ADAM10: variants seen among roughly 807,000 people sequenced by gnomAD.
ADAM10 encodes disintegrin and metalloproteinase domain-containing protein 10.
ADAM10 carries 17 observed loss-of-function variants against 90.1 expected under a neutral mutation model. The observed-to-expected ratio is 0.19, with a 90% confidence interval of 0.13 to 0.28. ADAM10 has a LOEUF of 0.28. Among genes scored for constraint, ADAM10 ranks in the 10% least tolerant of loss-of-function variants. The pLI is 1.00. For synonymous variants in ADAM10, 310 were observed against 298.6 expected (o/e 1.04, Z -0.40); for missense variants, 610 against 914.3 (o/e 0.67, Z 4.29).
At chr15:58,692,000 A>G (rs1421495411) in intron 2 of ADAM10, 12 of 454,528 alleles carry the variant, frequency 2.6e-5, no homozygotes, top group Middle Eastern at 3.4e-4. Flanking sequence ...ATGTTTTTGC[A>G]AATGACTTCC....
chr15:58,618,747 C>T (rs1050297971), intron 11 of ADAM10, among the ~76,000 whole-genome samples: 1 of 151,990 alleles, frequency 6.6e-6, no homozygotes, highest in African/African-American at 2.4e-5. Flanking sequence ...CTAACAAGTA[C>T]ATGAAAAAAT....
At chr15:58,599,521 G>A in intron 15 of ADAM10, 77 bp downstream of exon 15, 1 of 1,491,226 alleles carries the variant, frequency 6.7e-7, no homozygotes, top group South Asian at 1.1e-5. Flanking sequence ...AGTTACTACA[G>A]ACTCATTTAT....
At chr15:58,645,102 T>C (rs564656176) in intron 6 of ADAM10, among the ~76,000 whole-genome samples, 4 of 152,304 alleles carry the variant, frequency 2.6e-5, no homozygotes, top group East Asian at 1.9e-4. Flanking sequence ...TTCAAAGAAA[T>C]TGTAAAAACA....
At chr15:58,643,753 C>A in intron 7 of ADAM10, 133 bp downstream of exon 7, 1 of 728,094 alleles carries the variant, frequency 1.4e-6, no homozygotes, top group South Asian at 1.6e-5. Context: ...TAAAAAACTG[C>A]ATCAACAGAT....
Position 58,596,820 on chromosome 15 carries a change from T to TA in ADAM10, c.*726dup, listed in dbSNP as rs1894966688. ...TCTTCAGTATAGTCACTTGTGCCCG[T>TA]AGCAGCCATGTGATAAAGAAAAAAT... On this transcript the variant is annotated 3_prime_UTR_variant, in exon 16 of 16. Coordinates refer to ENST00000260408, the MANE Select transcript of ADAM10 (RefSeq NM_001110.4). 6.4e-6 allele frequency: 1 copy of TA among 155,222 alleles called. No individual in the cohort carries two copies. The highest frequency in any genetic ancestry group is 6.3e-5 in the Admixed American group (1 of 15,752). The allele number at this position is 155,222 out of a possible 1,614,324, so 9.6% of individuals were successfully genotyped here. A position where few individuals can be genotyped will look rare whatever the true frequency, so the allele number is the denominator to read the frequency against.
At chr15:58,745,957 AATC>A (rs1164396111) in intron 1 of ADAM10, among the ~76,000 whole-genome samples, 4 of 152,220 alleles carry the variant, frequency 2.6e-5, no homozygotes, top group Non-Finnish European at 4.4e-5. Flanking sequence ...TTTCAATGTT[AATC>A]ATTAGCTCAA....
At chr15:58,608,532 G>A (rs775639785) in intron 14 of ADAM10, among the ~76,000 whole-genome samples, 8 of 152,256 alleles carry the variant, frequency 5.3e-5, no homozygotes, top group East Asian at 3.9e-4. Flanking sequence ...CATGCTATTC[G>A]AAAGACTGGC....
chr15:58,600,268 G>A (rs2140987682), intron 14 of ADAM10, among the ~76,000 whole-genome samples: 1 of 152,184 alleles, frequency 6.6e-6, no homozygotes, highest in South Asian at 2.1e-4. Context: ...TGTTTTGATT[G>A]CGTTTATACT....
chr15:58,638,386 C>T (rs7173048), intron 8 of ADAM10, among the ~76,000 whole-genome samples: 8,927 of 151,766 alleles, frequency 0.059, 893 homozygotes, highest in African/African-American at 0.2. Flanking sequence ...AAAATAGAGG[C>T]GGGCGGATCA....
chr15:58,609,678 A>G (rs1895383771), intron 14 of ADAM10: 1 of 154,164 alleles, frequency 6.5e-6, no homozygotes, highest in African/African-American at 2.4e-5. Context: ...TCACTTTTAA[A>G]GCATGAACAC....
At chr15:58,625,881 T>G (rs1895925906) in intron 10 of ADAM10, among the ~76,000 whole-genome samples, 1 of 152,174 alleles carries the variant, frequency 6.6e-6, no homozygotes, top group Non-Finnish European at 1.5e-5. Context: ...GGGAATTATG[T>G]TGAGTGAGAA....
Position 58,627,452 on chromosome 15 carries a change from G to A in ADAM10, c.1360+248C>T, listed in dbSNP as rs564177308. 2.1e-4 allele frequency among the ~76,000 whole-genome samples: 32 copies of A among 152,274 alleles called. No individual in the cohort carries two copies. In the South Asian group the frequency reaches 5.4e-3, roughly 26 times the overall value. On this transcript the variant is annotated intron_variant, in intron 10 of 15. Transcript: ENST00000260408. ...GAACTATAAACAATATTGAACTCTA[G>A]TTAATGATTTGCAGACTAAAATGTT...
At chr15:58,685,717 G>A (rs1897581450) in intron 2 of ADAM10, among the ~76,000 whole-genome samples, 1 of 151,412 alleles carries the variant, frequency 6.6e-6, no homozygotes, top group Non-Finnish European at 1.5e-5. Flanking sequence ...ATGGAAAGTG[G>A]GTGACTGGGA....
At position 58,590,036 on chromosome 15, in the gene ADAM10, T is replaced by C. The variant is rs1894792858; in HGVS notation, c.*7511A>G. On this transcript the variant is annotated 3_prime_UTR_variant, in exon 16 of 16. Transcript: ENST00000260408. ...TACCTTTCCCCAAAGAAAAATCAGC[T>C]ATCAGTGCCCAGTATATAACCAATC... 1 of 152,226 alleles carries C rather than the reference T, an allele frequency of 6.6e-6. No homozygotes were observed. Among genetic ancestry groups the C allele is most frequent in the South Asian group, 2.1e-4 (1 of 4,836 alleles). The allele number at this position is 152,226 out of a possible 1,614,324, so 9.4% of individuals were successfully genotyped here.
chr15:58,730,110 G>T (rs1459278491), intron 1 of ADAM10, among the ~76,000 whole-genome samples: 1 of 151,840 alleles, frequency 6.6e-6, no homozygotes, highest in East Asian at 1.9e-4. Flanking sequence ...AACACTTTTG[G>T]TTCCAAGTAT....
chr15:58,692,824 A>G (rs753580222), intron 2 of ADAM10: 3 of 648,420 alleles, frequency 4.6e-6, no homozygotes, highest in Non-Finnish European at 8.9e-6. Context: ...TTGCCCAATC[A>G]TGGAGATTTC....
intron 14 of ADAM10, among the ~76,000 whole-genome samples, chr15:58,607,125 C>T (rs1407926634): frequency 1.3e-5 from 2 of 152,210 alleles, no homozygotes; most frequent in South Asian, 2.1e-4. Context: ...GAAATAGGCA[C>T]GGGCTGGATT....
chr15:58,618,833 C>G (rs1455595934), intron 11 of ADAM10, among the ~76,000 whole-genome samples: 2 of 151,820 alleles, frequency 1.3e-5, no homozygotes, highest in Non-Finnish European at 2.9e-5. Flanking sequence ...TGACCATTAT[C>G]AAAATGATCA....
At chr15:58,670,758 T>C (rs1897173368) in intron 4 of ADAM10, among the ~76,000 whole-genome samples, 1 of 152,268 alleles carries the variant, frequency 6.6e-6, no homozygotes, top group Admixed American at 6.5e-5. Flanking sequence ...TTAATTTACA[T>C]ACAAGAATAG....
Sources: allele counts gnomAD v4.1 joint callset (sites outside exome capture counted in the v4.1 genomes callset), GRCh38; gene constraint gnomAD v4.1.1; transcripts MANE v1.5; gene names NCBI Gene and HGNC (gene_info 2026-07-23, HGNC 2026-07-21).